The following VKORC1L1 variants were observed in gnomAD, a reference collection of about 807,000 sequenced individuals.
VKORC1L1 encodes the protein vitamin K epoxide reductase complex subunit 1L1.
A neutral mutation model predicts 18.9 loss-of-function variants in VKORC1L1; 2 were observed. That is an observed-to-expected ratio of 0.11 (90% confidence interval 0.04 to 0.33). VKORC1L1 has a LOEUF of 0.33. VKORC1L1 is among the 10% of genes least tolerant of loss of function. The probability of loss-of-function intolerance (pLI) is 1.00; values close to 1 mark genes in which losing one functional copy is unlikely to be tolerated. For missense variants in VKORC1L1, 123 were observed against 224.1 expected (o/e 0.55, Z 2.88); for synonymous variants, 96 against 100.0 (o/e 0.96, Z 0.24).
At chr7:65,943,605 C>T (rs1790071025) in intron 1 of VKORC1L1, among the ~76,000 whole-genome samples, 1 of 151,906 alleles carries the variant, frequency 6.6e-6, no homozygotes, top group Non-Finnish European at 1.5e-5. Context: ...ACCAGCCTGG[C>T]CAATGTGGTG....
chr7:65,946,292 T>C (rs921627605), intron 1 of VKORC1L1, among the ~76,000 whole-genome samples: 2 of 151,100 alleles, frequency 1.3e-5, no homozygotes, highest in African/African-American at 4.9e-5. Flanking sequence ...ATGAGACCGA[T>C]TGCTTACCAT....
rs376461741 is a variant in VKORC1L1 at position 65,954,091 on chromosome 7, G to A, written c.322G>A (p.Val108Met). ...QLLLGMTASAVAALILMTSSI... is the reference protein window; with the variant it reads ...QLLLGMTASAMAALILMTSSI... The stretch of plus-strand genomic sequence containing the variant: ...TCTTACAGGCATGACAGCAAGCGCT[G>A]TGGCGGCTTTGATCCTCATGACGTC... The change falls in exon 3 of 3, where the codon GTG (valine) becomes ATG (methionine). Residue 108 changes from valine to methionine, a missense_variant. Physicochemically the swap from Val to Met is conservative, Grantham distance 21 (BLOSUM62 1). This residue lies in a region of VKORC1L1 where 18 missense variants were observed against 66.7 expected (regional missense o/e 0.27). Coordinates refer to ENST00000360768, the MANE Select transcript of VKORC1L1 (RefSeq NM_173517.6). 2.2e-5 allele frequency: 35 copies of A among 1,600,146 alleles called. No individual in the cohort carries two copies. Among genetic ancestry groups the A allele is most frequent in the East Asian group, 1.8e-4 (8 of 44,530 alleles).
At chr7:65,889,616 C>T (rs113399798) in intron 1 of VKORC1L1, among the ~76,000 whole-genome samples, 2,074 of 136,280 alleles carry the variant, frequency 0.015, no homozygotes, top group South Asian at 0.041. Flanking sequence ...ACATTCCGGT[C>T]ATTAAATAGA....
intron 1 of VKORC1L1, among the ~76,000 whole-genome samples, chr7:65,894,545 G>A (rs755359488): frequency 2.6e-4 from 39 of 150,918 alleles, no homozygotes; most frequent in Non-Finnish European, 3.2e-4. Context: ...TGGCTAACAC[G>A]GTGAAACCCC....
chr7:65,952,476 T>C (rs1187140265), intron 2 of VKORC1L1, among the ~76,000 whole-genome samples: 1 of 152,028 alleles, frequency 6.6e-6, no homozygotes, highest in Non-Finnish European at 1.5e-5. Flanking sequence ...TATGAAAGCA[T>C]CTAGGCCCGT....
intron 1 of VKORC1L1, among the ~76,000 whole-genome samples, chr7:65,926,436 G>A (rs1019025845): frequency 8.5e-5 from 13 of 152,134 alleles, no homozygotes; most frequent in African/African-American, 3.1e-4. Context: ...TTATATGCAT[G>A]AGCCACCACA....
rs186102337 is a variant in VKORC1L1, at chr7:65,921,005, A to G, written c.195-27666A>G. Among the ~76,000 whole-genome samples the G allele has an allele frequency of 9.2e-5, 14 of 152,024 alleles. No homozygotes were observed. In the East Asian group the frequency reaches 2.7e-3, roughly 29 times the overall value. On this transcript the variant is annotated intron_variant, in intron 1 of 2. Transcript: ENST00000360768. ...CTTTTATTAATCTTTGATTTGTACT[A>G]TTTTTGTTTCCTTTTTCATAGACTG...
the VKORC1L1 span, among the ~76,000 whole-genome samples, chr7:65,866,663 A>G: frequency 3.9e-5 from 6 of 152,154 alleles, no homozygotes; most frequent in Non-Finnish European, 8.8e-5. Context: ...TAATCCCAAC[A>G]CTGTGGGAGG....
chr7:65,899,053 T>C (rs1789265423), intron 1 of VKORC1L1, among the ~76,000 whole-genome samples: 1 of 152,256 alleles, frequency 6.6e-6, no homozygotes, highest in Admixed American at 6.5e-5. Context: ...CATGACCTTA[T>C]TCAGAGCTGA....
At chr7:65,881,690 A>G (rs923785630) in intron 1 of VKORC1L1, among the ~76,000 whole-genome samples, 27 of 152,370 alleles carry the variant, frequency 1.8e-4, no homozygotes, top group African/African-American at 6.3e-4. Context: ...TGAAACCTGA[A>G]TAAACTCAGG....
At chr7:65,866,108 C>T in the VKORC1L1 span, among the ~76,000 whole-genome samples, 2 of 151,750 alleles carry the variant, frequency 1.3e-5, no homozygotes, top group African/African-American at 4.8e-5. Flanking sequence ...AGTGGGACTC[C>T]GTCTCAAAAA....
chr7:65,915,965 G>C (rs1789582507), intron 1 of VKORC1L1, among the ~76,000 whole-genome samples: 1 of 151,930 alleles, frequency 6.6e-6, no homozygotes, highest in Admixed American at 6.6e-5. Flanking sequence ...ACAAAAATGA[G>C]CTGGGCATGG....
intron 1 of VKORC1L1, among the ~76,000 whole-genome samples, chr7:65,927,616 C>T (rs1269303932): frequency 1.3e-5 from 2 of 152,194 alleles, no homozygotes; most frequent in African/African-American, 4.8e-5. Context: ...TTTATCCCCT[C>T]GTGTGCAGGT....
chr7:65,873,272 C>CGGAGGCGGCGGTGGCGGCGGT lies in VKORC1L1; in HGVS notation c.-97_-77dup. On this transcript the variant is annotated 5_prime_UTR_variant, in exon 1 of 3. Transcript: ENST00000360768. ...GCGGCGGCGGTGGTGGCGGCGGCGGCGGAGGCGGCGGTGGCGGCGGTGGCG... is the reference window on the plus strand; with the variant it reads ...GCGGCGGCGGTGGTGGCGGCGGCGGCGGAGGCGGCGGTGGCGGCGGTGGAGGCGGCGGTGGCGGCGGTGGCG... The CGGAGGCGGCGGTGGCGGCGGT allele has an allele frequency of 2.0e-6, 2 of 989,724 alleles. No homozygotes were observed. Among genetic ancestry groups the CGGAGGCGGCGGTGGCGGCGGT allele is most frequent in the Non-Finnish European group, 2.4e-6 (2 of 834,784 alleles). 61.3% of individuals were successfully genotyped at this position (989,724 alleles called of 1,614,324 possible). A position where few individuals can be genotyped will look rare whatever the true frequency, so the allele number is the denominator to read the frequency against.
intron 1 of VKORC1L1, among the ~76,000 whole-genome samples, chr7:65,938,492 A>G (rs1276807856): frequency 6.6e-6 from 1 of 152,232 alleles, no homozygotes; most frequent in Admixed American, 6.5e-5. Context: ...CTGCATTGAA[A>G]GAGCCCTTCA....
intron 1 of VKORC1L1, among the ~76,000 whole-genome samples, chr7:65,907,031 T>C (rs189896130): frequency 0.011 from 1,686 of 152,152 alleles, 19 homozygotes; most frequent in Non-Finnish European, 0.017. Context: ...TGAAGGAAAA[T>C]GGGATGGAGC....
intron 1 of VKORC1L1, among the ~76,000 whole-genome samples, chr7:65,926,165 T>G (rs1789761015): frequency 6.6e-6 from 1 of 150,996 alleles, no homozygotes; most frequent in East Asian, 1.9e-4. Flanking sequence ...ATTATTATTA[T>G]TATTATTTGA....
intron 1 of VKORC1L1, among the ~76,000 whole-genome samples, chr7:65,895,095 T>C (rs1789169715): frequency 6.6e-6 from 1 of 152,178 alleles, no homozygotes; most frequent in Admixed American, 6.6e-5. Context: ...TTTTACTTTT[T>C]ATGATTTCTA....
chr7:65,936,135 C>CT (rs1375022967), intron 1 of VKORC1L1, among the ~76,000 whole-genome samples: 11 of 151,098 alleles, frequency 7.3e-5, no homozygotes, highest in African/African-American at 2.7e-4. Context: ...CTATAGTTTC[C>CT]ATTTTTTTTT....
Sources: allele counts gnomAD v4.1 joint callset (sites outside exome capture counted in the v4.1 genomes callset), GRCh38; gene constraint gnomAD v4.1.1; regional missense constraint gnomAD v4.1.1; transcripts MANE v1.5; gene names NCBI Gene and HGNC (gene_info 2026-07-23, HGNC 2026-07-21).